The following ZMAT4 variants were observed in gnomAD, a reference collection of about 807,000 sequenced individuals.
ZMAT4 encodes the protein zinc finger matrin-type 4, also known as zinc finger matrin-type protein 4.
In ZMAT4, 17 loss-of-function variants were observed where a neutral mutation model predicts 28.7. That is an observed-to-expected ratio of 0.59 (90% CI 0.41 to 0.89). ZMAT4 has a LOEUF of 0.89. Among genes scored for constraint, ZMAT4 ranks in the 40% least tolerant of loss-of-function variants. The probability of loss-of-function intolerance (pLI) is 0.00; values close to 1 mark genes in which losing one functional copy is unlikely to be tolerated. For synonymous variants in ZMAT4, 117 were observed against 109.2 expected (o/e 1.07, Z -0.44); for missense variants, 240 against 283.8 (o/e 0.85, Z 1.11).
intron 3 of ZMAT4, among the ~76,000 whole-genome samples, chr8:40,761,351 C>A (rs1392072008): frequency 1.3e-5 from 2 of 152,120 alleles, no homozygotes; most frequent in Non-Finnish European, 2.9e-5. Context: ...AGGGCCCCTG[C>A]AAGTCTCTGC....
intron 3 of ZMAT4, among the ~76,000 whole-genome samples, chr8:40,751,734 G>A (rs1015544877): frequency 1.3e-5 from 2 of 152,110 alleles, no homozygotes; most frequent in East Asian, 3.9e-4. Context: ...AGAAGAAGAG[G>A]ATGACTTCGA....
rs541142746 is a variant in ZMAT4 at position 40,710,391 on chromosome 8, G to C, written c.193-12990C>G. Among the ~76,000 whole-genome samples the C allele has an allele frequency of 2.6e-5, 4 of 152,284 alleles. No individual in the cohort carries two copies. In the East Asian group the frequency reaches 7.7e-4, roughly 29 times the overall value. ...AACCAACATACTCAGTGTAGAAAAA[G>C]AGTGAGCAGATGGCATACAGGCGAG... On this transcript the variant is annotated intron_variant, in intron 3 of 6. Coordinates refer to ENST00000297737, the MANE Select transcript of ZMAT4 (RefSeq NM_024645.3).
chr8:40,769,581 GC>G (rs1356830937), intron 2 of ZMAT4, among the ~76,000 whole-genome samples: 2 of 152,202 alleles, frequency 1.3e-5, no homozygotes, highest in Non-Finnish European at 2.9e-5. Flanking sequence ...TGGTGATAAA[GC>G]ACGCAGACGA....
At chr8:40,630,281 G>C in intron 5 of ZMAT4, among the ~76,000 whole-genome samples, 1 of 152,114 alleles carries the variant, frequency 6.6e-6, no homozygotes, top group Non-Finnish European at 1.5e-5. Context: ...GCCTATAGAC[G>C]TGTCCACAGT....
At chr8:40,637,280 G>A (rs1271029748) in intron 5 of ZMAT4, among the ~76,000 whole-genome samples, 1 of 152,124 alleles carries the variant, frequency 6.6e-6, no homozygotes, top group Non-Finnish European at 1.5e-5. Context: ...TTCTCAGAAT[G>A]GAAGCAATTT....
chr8:40,573,556 T>C (rs529237950), intron 6 of ZMAT4, among the ~76,000 whole-genome samples: 2 of 152,312 alleles, frequency 1.3e-5, no homozygotes, highest in South Asian at 2.1e-4. Flanking sequence ...GAATCTTAAC[T>C]GATAACATCT....
At chr8:40,821,384 G>C (rs1172934220) in intron 2 of ZMAT4, among the ~76,000 whole-genome samples, 2 of 152,130 alleles carry the variant, frequency 1.3e-5, no homozygotes, top group South Asian at 2.1e-4. Context: ...CCAGTGAATA[G>C]AGACAACATC....
At chr8:40,532,898 G>T (rs1053663652) in intron 6 of ZMAT4, among the ~76,000 whole-genome samples, 1 of 151,772 alleles carries the variant, frequency 6.6e-6, no homozygotes, top group Non-Finnish European at 1.5e-5. Context: ...GGAGGCTGAA[G>T]CAGGAGAATC....
intron 5 of ZMAT4, among the ~76,000 whole-genome samples, chr8:40,659,189 C>A (rs1427082045): frequency 6.6e-6 from 1 of 152,100 alleles, no homozygotes; most frequent in Non-Finnish European, 1.5e-5. Context: ...ACTAAATAAC[C>A]TTTACATCTA....
intron 2 of ZMAT4, among the ~76,000 whole-genome samples, chr8:40,770,362 C>T (rs913524752): frequency 6.6e-6 from 1 of 152,018 alleles, no homozygotes; most frequent in African/African-American, 2.4e-5. Flanking sequence ...TTCCAAATTA[C>T]GTTGGTTGAC....
At chr8:40,578,076 C>A (rs1804328731) in intron 6 of ZMAT4, among the ~76,000 whole-genome samples, 1 of 151,962 alleles carries the variant, frequency 6.6e-6, no homozygotes, top group South Asian at 2.1e-4. Context: ...ACAGTGAAGA[C>A]AGTCTTGAAT....
intron 4 of ZMAT4, among the ~76,000 whole-genome samples, chr8:40,675,743 A>G (rs528349415): frequency 6.6e-6 from 1 of 152,324 alleles, no homozygotes; most frequent in African/African-American, 2.4e-5. Context: ...TAATTGAGGA[A>G]GTCATGCTAA....
At chr8:40,854,296 A>G (rs1175852713) in intron 1 of ZMAT4, among the ~76,000 whole-genome samples, 1 of 152,230 alleles carries the variant, frequency 6.6e-6, no homozygotes, top group East Asian at 1.9e-4. Flanking sequence ...AGATACTCCA[A>G]AATGAAAACA....
chr8:40,570,785 C>G (rs1018260206), intron 6 of ZMAT4, among the ~76,000 whole-genome samples: 1 of 152,140 alleles, frequency 6.6e-6, no homozygotes, highest in Non-Finnish European at 1.5e-5. Flanking sequence ...CACTCAGGAT[C>G]TCAGGATTTG....
chr8:40,650,430 A>G (rs1279854360), intron 5 of ZMAT4, among the ~76,000 whole-genome samples: 2 of 118,140 alleles, frequency 1.7e-5, no homozygotes, highest in African/African-American at 5.6e-5. Flanking sequence ...TGTGGCAATA[A>G]TCAATAGCTT....
At chr8:40,883,536 T>C (rs1222323661) in intron 1 of ZMAT4, among the ~76,000 whole-genome samples, 1 of 152,166 alleles carries the variant, frequency 6.6e-6, no homozygotes. Context: ...CCCATTCAAA[T>C]CACACAACCG....
intron 5 of ZMAT4, among the ~76,000 whole-genome samples, chr8:40,669,371 T>C (rs1052204471): frequency 1.3e-5 from 2 of 152,086 alleles, no homozygotes; most frequent in African/African-American, 2.4e-5. Context: ...TAGAGAAACA[T>C]TTTTAGAGAA....
intron 5 of ZMAT4, among the ~76,000 whole-genome samples, chr8:40,669,879 T>C (rs1808596579): frequency 6.6e-6 from 1 of 152,150 alleles, no homozygotes; most frequent in Non-Finnish European, 1.5e-5. Context: ...CACTGAAAAC[T>C]ACAAAACATT....
At chr8:40,670,500 C>T (rs984668519) in intron 5 of ZMAT4, among the ~76,000 whole-genome samples, 8 of 151,826 alleles carry the variant, frequency 5.3e-5, no homozygotes, top group African/African-American at 1.9e-4. Flanking sequence ...ACACAAAAAG[C>T]AATGATTATA....
Sources: gnomAD v4.1 joint callset for allele counts (sites outside exome capture counted in the v4.1 genomes callset) on GRCh38, gnomAD v4.1.1 for gene constraint, MANE v1.5 for transcripts, NCBI Gene and HGNC (gene_info 2026-07-23, HGNC 2026-07-21) for gene names.